The following ZNRF1 variants were observed in gnomAD, a reference collection of about 807,000 sequenced individuals.
The protein encoded by ZNRF1 is E3 ubiquitin-protein ligase ZNRF1.
ZNRF1 carries 3 observed loss-of-function variants against 18.4 expected under a neutral mutation model. That is an observed-to-expected ratio of 0.16 (90% CI 0.07 to 0.42). The LOEUF is 0.42. Among genes scored for constraint, ZNRF1 ranks in the 10% least tolerant of loss-of-function variants. ZNRF1 has a pLI of 0.99. For missense variants in ZNRF1, 310 were observed against 329.8 expected, an observed-to-expected ratio of 0.94 and a Z score of 0.47; for synonymous variants, 157 against 144.2, an observed-to-expected ratio of 1.09 and a Z score of -0.64.
chr16:75,029,078 CT>C (rs35493485), intron 1 of ZNRF1, among the ~76,000 whole-genome samples: 7 of 144,108 alleles, frequency 4.9e-5, no homozygotes, highest in African/African-American at 1.3e-4. Flanking sequence ...CAATCTTGAC[CT>C]TTTTTTTTTT....
Position 75,108,443 on chromosome 16 carries a change from A to ATT in ZNRF1, c.*752_*753dup, listed in dbSNP as rs34340776. ...GAACATTATTCTTAGGCCCTCGTGG[A>ATT]TTTTTTTTTTCAGAAAACTTAAACA... On this transcript the variant is annotated 3_prime_UTR_variant, in exon 5 of 5. Coordinates refer to ENST00000335325, the MANE Select transcript of ZNRF1 (RefSeq NM_032268.5). 81 of 375,176 alleles carry ATT rather than the reference A, an allele frequency of 2.2e-4. No homozygotes were observed. Among genetic ancestry groups the ATT allele is most frequent in the Middle Eastern group, 6.9e-4 (1 of 1,440 alleles). The allele number at this position is 375,176 out of a possible 1,614,324, so 23.2% of individuals were successfully genotyped here. A position where few individuals can be genotyped will look rare whatever the true frequency, so the allele number is the denominator to read the frequency against.
chr16:75,026,409 G>A (rs1395841777), intron 1 of ZNRF1, among the ~76,000 whole-genome samples: 1 of 152,084 alleles, frequency 6.6e-6, no homozygotes, highest in Non-Finnish European at 1.5e-5. Context: ...GTTCCCCTGA[G>A]CTCAGAGCCC....
intron 1 of ZNRF1, among the ~76,000 whole-genome samples, chr16:75,007,092 G>A (rs779789883): frequency 8.2e-5 from 12 of 145,696 alleles, no homozygotes; most frequent in Admixed American, 4.2e-4. Flanking sequence ...ACAGGGTCTC[G>A]CTTTGTTCAG....
At chr16:75,047,850 G>T (rs1425675931) in intron 1 of ZNRF1, among the ~76,000 whole-genome samples, 1 of 152,106 alleles carries the variant, frequency 6.6e-6, no homozygotes, top group Non-Finnish European at 1.5e-5. Context: ...TATTAGCAGG[G>T]TTGTTTCTTC....
At chr16:75,023,240 C>T (rs1796268344) in intron 1 of ZNRF1, among the ~76,000 whole-genome samples, 1 of 152,172 alleles carries the variant, frequency 6.6e-6, no homozygotes, top group Non-Finnish European at 1.5e-5. Flanking sequence ...AAATTGCCAT[C>T]TCATTCTCCT....
chr16:75,065,952 T>C (rs2035798171), intron 1 of ZNRF1, among the ~76,000 whole-genome samples: 1 of 152,130 alleles, frequency 6.6e-6, no homozygotes, highest in African/African-American at 2.4e-5. Context: ...GTCCTGCACC[T>C]GTTGGGAGGG....
At chr16:75,011,237 T>G (rs996566112) in intron 1 of ZNRF1, among the ~76,000 whole-genome samples, 1 of 152,190 alleles carries the variant, frequency 6.6e-6, no homozygotes, top group Non-Finnish European at 1.5e-5. Context: ...CCTACAAGGA[T>G]TTGAGGGAGC....
intron 1 of ZNRF1, among the ~76,000 whole-genome samples, chr16:75,010,701 G>GTTTTTTTTTTTTTTTTTTTTTTTT (rs1334552920): frequency 4.7e-5 from 3 of 63,768 alleles, no homozygotes; most frequent in Non-Finnish European, 9.2e-5. Context: ...GTACTGTACT[G>GTTTTTTTTTTTTTTTTTTTTTTTT]TTTTTTTTTG....
At chr16:75,011,487 C>A (rs1025840122) in intron 1 of ZNRF1, among the ~76,000 whole-genome samples, 2 of 152,144 alleles carry the variant, frequency 1.3e-5, no homozygotes, top group Non-Finnish European at 2.9e-5. Context: ...CCTACCCTAG[C>A]CTCCTGAGTA....
intron 1 of ZNRF1, among the ~76,000 whole-genome samples, chr16:75,058,824 C>T (rs1056134743): frequency 2.6e-5 from 4 of 152,188 alleles, no homozygotes; most frequent in South Asian, 2.1e-4. Context: ...TTAAATAAAT[C>T]GGTCTCATCC....
At chr16:75,040,028 T>A (rs1454235063) in intron 1 of ZNRF1, among the ~76,000 whole-genome samples, 1 of 137,638 alleles carries the variant, frequency 7.3e-6, no homozygotes, top group Non-Finnish European at 1.5e-5. Context: ...ATCTTTTGTT[T>A]CTTTCTTTTC....
At chr16:75,023,009 GAGGAGAAACC>G (rs1801066137) in intron 1 of ZNRF1, among the ~76,000 whole-genome samples, 1 of 152,198 alleles carries the variant, frequency 6.6e-6, no homozygotes, top group Admixed American at 6.5e-5. Context: ...GTAATTGGAA[GAGGAGAAACC>G]AGGTAAGCAG....
At chr16:75,095,449 G>A in intron 2 of ZNRF1, 5 of 745,212 alleles carry the variant, frequency 6.7e-6, no homozygotes, top group Non-Finnish European at 8.0e-6. Context: ...GGGAGGGAGA[G>A]GAGCCTTCCC....
intron 1 of ZNRF1, among the ~76,000 whole-genome samples, chr16:75,064,737 C>G (rs1020013041): frequency 3.3e-5 from 5 of 152,214 alleles, no homozygotes; most frequent in African/African-American, 1.2e-4. Context: ...GCTAAATGAG[C>G]AACGGACTCA....
chr16:75,110,888 G>A lies in ZNRF1; in HGVS notation c.*3188G>A, dbSNP rs2036374455. On this transcript the variant is annotated 3_prime_UTR_variant, in exon 5 of 5. Transcript: ENST00000335325. The stretch of plus-strand genomic sequence containing the variant: ...CTCGGTGATGAGCACACGCGTGCTG[G>A]GGTGGTTTGGGGAGAGGGCTGAGAT... 6.6e-6 allele frequency: 1 copy of A among 152,146 alleles called. No homozygotes were observed. The highest frequency in any genetic ancestry group is 1.5e-5 in the Non-Finnish European group (1 of 68,076). 9.4% of individuals were successfully genotyped at this position (152,146 alleles called of 1,614,324 possible).
chr16:75,024,374 C>G (rs1196749127), intron 1 of ZNRF1, among the ~76,000 whole-genome samples: 1 of 152,170 alleles, frequency 6.6e-6, no homozygotes, highest in South Asian at 2.1e-4. Flanking sequence ...TTTAAAAAGT[C>G]TATTGTGAGT....
rs1334552920 is a variant in ZNRF1, at chr16:75,010,701, G to GTTTTTTTTTTTT, written c.424+10615_424+10616insTTTTTTTTTTTT. 1.5e-3 allele frequency among the ~76,000 whole-genome samples: 97 copies of GTTTTTTTTTTTT among 63,794 alleles called. 5 individuals carry two copies. Among genetic ancestry groups the GTTTTTTTTTTTT allele is most frequent in the African/African-American group, 2.7e-3 (61 of 22,316 alleles). 41.9% of individuals were successfully genotyped at this position (63,794 alleles called of 152,430 possible). A position where few individuals can be genotyped will look rare whatever the true frequency, so the allele number is the denominator to read the frequency against. On this transcript the variant is annotated intron_variant, in intron 1 of 4. Coordinates refer to ENST00000335325, the MANE Select transcript of ZNRF1 (RefSeq NM_032268.5). ...AAATTAGTCACCTCTGTACTGTACT[G>GTTTTTTTTTTTT]TTTTTTTTTGTTTTTTTGTTTTTTT...
chr16:75,050,933 C>T (rs1485392884), intron 1 of ZNRF1, among the ~76,000 whole-genome samples: 1 of 146,840 alleles, frequency 6.8e-6, no homozygotes, highest in African/African-American at 2.5e-5. Flanking sequence ...TGGCTCACAC[C>T]TGTAATCCTA....
chr16:75,043,092 A>G (rs144388908), intron 1 of ZNRF1, among the ~76,000 whole-genome samples: 1 of 152,344 alleles, frequency 6.6e-6, no homozygotes, highest in African/African-American at 2.4e-5. Context: ...GACTGTCTAC[A>G]ATAAAGAACA....
Sources: allele counts gnomAD v4.1 joint callset (sites outside exome capture counted in the v4.1 genomes callset), GRCh38; gene constraint gnomAD v4.1.1; transcripts MANE v1.5; gene names NCBI Gene and HGNC (gene_info 2026-07-23, HGNC 2026-07-21).